Variants in SLC39A12 observed in about 807,000 individuals in gnomAD.
SLC39A12 encodes solute carrier family 39 member 12.
In SLC39A12, 63 loss-of-function variants were observed where a neutral mutation model predicts 71.1. The observed-to-expected ratio is 0.89, with a 90% CI of 0.72 to 1.09. The LOEUF is 1.09. SLC39A12 is among the 50% of genes least tolerant of loss of function. The probability of loss-of-function intolerance (pLI) is 0.00; values close to 1 mark genes in which losing one functional copy is unlikely to be tolerated. For missense variants in SLC39A12, 892 were observed against 812.6 expected (o/e 1.10, Z -1.19); for synonymous variants, 351 against 301.3 (o/e 1.16, Z -1.71).
Position 18,042,720 on chromosome 10 carries a change from C to T in SLC39A12, c.1963C>T (p.His655Tyr), listed in dbSNP as rs554703011. Reference protein sequence around the residue: ...SLVEMLPEMTHVQTQRPWMMF... With the variant: ...SLVEMLPEMTYVQTQRPWMMF... ...CTTTTTTTAGCTTCCTGAAATGACT[C>T]ATGTTCAAACACAACGACCCTGGAT... is the stretch of plus-strand genomic sequence containing the variant. Residue 655 changes from histidine (H) to tyrosine (Y), a missense_variant, in exon 13 of 13, where the codon CAT becomes TAT. Coordinates refer to ENST00000377369, the MANE Select transcript of SLC39A12 (RefSeq NM_001145195.2). 2 of 1,606,164 alleles carry T rather than the reference C, an allele frequency of 1.2e-6. No individual in the cohort carries two copies. Among genetic ancestry groups the T allele is most frequent in the Admixed American group, 1.7e-5 (1 of 58,688 alleles).
intron 10 of SLC39A12, among the ~76,000 whole-genome samples, chr10:17,998,093 G>A (rs1835735209): frequency 6.6e-6 from 1 of 152,040 alleles, no homozygotes; most frequent in Admixed American, 6.6e-5. Flanking sequence ...CTGCCTCCTG[G>A]GTTTAAGCGA....
At chr10:18,025,916 C>T (rs1218480179) in intron 12 of SLC39A12, among the ~76,000 whole-genome samples, 1 of 151,978 alleles carries the variant, frequency 6.6e-6, no homozygotes, top group South Asian at 2.1e-4. Context: ...ACAACTAATC[C>T]AAGTCTATTT....
chr10:17,989,428 A>T (rs968805170), intron 7 of SLC39A12, among the ~76,000 whole-genome samples: 1 of 152,234 alleles, frequency 6.6e-6, no homozygotes, highest in Admixed American at 6.5e-5. Context: ...TCTAGGTCAC[A>T]GCAGCGGTAG....
At chr10:18,007,635 T>C (rs1330119134) in intron 12 of SLC39A12, among the ~76,000 whole-genome samples, 1 of 152,232 alleles carries the variant, frequency 6.6e-6, no homozygotes, top group Non-Finnish European at 1.5e-5. Flanking sequence ...GGTTATTTCT[T>C]CATGATATGC....
chr10:18,028,301 A>G lies in SLC39A12; in HGVS notation c.1948-14404A>G, dbSNP rs142695535. Among the ~76,000 whole-genome samples the G allele has an allele frequency of 6.7e-3, 1,014 of 152,360 alleles. 12 individuals carry two copies. The highest frequency in any genetic ancestry group is 0.029 in the East Asian group (151 of 5,188). On this transcript the variant is annotated intron_variant, in intron 12 of 12. Coordinates refer to ENST00000377369, the MANE Select transcript of SLC39A12 (RefSeq NM_001145195.2). ...TTTTTATCAGTGAAAGCTCTTTGACATCTTTATCTTGGAAGCATTGGAGGC... is the reference window on the plus strand; with the variant it reads ...TTTTTATCAGTGAAAGCTCTTTGACGTCTTTATCTTGGAAGCATTGGAGGC...
intron 4 of SLC39A12, among the ~76,000 whole-genome samples, chr10:17,969,490 G>A (rs1020569491): frequency 2.0e-5 from 3 of 152,110 alleles, no homozygotes; most frequent in African/African-American, 7.2e-5. Context: ...GTTTTAACAG[G>A]GGTGAGGTTA....
chr10:18,009,089 G>A (rs1053113147), intron 12 of SLC39A12, among the ~76,000 whole-genome samples: 2 of 152,170 alleles, frequency 1.3e-5, no homozygotes, highest in African/African-American at 4.8e-5. Flanking sequence ...AATGGGTTAT[G>A]CCAAGGGAGG....
At chr10:18,020,443 C>G (rs1836502938) in intron 12 of SLC39A12, among the ~76,000 whole-genome samples, 1 of 151,972 alleles carries the variant, frequency 6.6e-6, no homozygotes, top group South Asian at 2.1e-4. Context: ...GTGCATGTGT[C>G]TTTATGGTAG....
Position 17,961,803 on chromosome 10 carries a change from A to T in SLC39A12, c.484A>T (p.Asn162Tyr), listed in dbSNP as rs782382519. Residue 162 changes from asparagine to tyrosine, a missense_variant, in exon 3 of 13, where the codon AAT (asparagine) becomes TAT (tyrosine). Asn to Tyr is a moderately radical substitution (Grantham distance 143). Transcript: ENST00000377369. ...QDEDSSFLSQ[N>Y]ETEDILAFTR... Reference sequence around the variant, plus strand: ...TGAAGATTCCTCTTTCCTTTCACAGAATGAGACAGAAGATATCTTGGCTTT... The same window carrying T: ...TGAAGATTCCTCTTTCCTTTCACAGTATGAGACAGAAGATATCTTGGCTTT... The T allele has an allele frequency of 1.9e-6, 3 of 1,614,148 alleles. No homozygotes were observed. The highest frequency in any genetic ancestry group is 2.5e-6 in the Non-Finnish European group (3 of 1,179,996).
chr10:18,013,875 T>C (rs1005547367), intron 12 of SLC39A12, among the ~76,000 whole-genome samples: 4 of 152,214 alleles, frequency 2.6e-5, no homozygotes, highest in African/African-American at 9.6e-5. Flanking sequence ...TCTAGTTTTG[T>C]AGTAAGTTTT....
intron 6 of SLC39A12, among the ~76,000 whole-genome samples, chr10:17,985,116 G>T (rs1191309235): frequency 6.6e-6 from 1 of 152,170 alleles, no homozygotes; most frequent in Admixed American, 6.5e-5. Flanking sequence ...GGCCAAGGTG[G>T]TGGATCATTT....
intron 4 of SLC39A12, among the ~76,000 whole-genome samples, chr10:17,977,069 T>A (rs969061433): frequency 6.6e-6 from 1 of 152,182 alleles, no homozygotes; most frequent in African/African-American, 2.4e-5. Flanking sequence ...CTCTCAAATA[T>A]GCTGTTGAGT....
chr10:18,037,157 C>G (rs901964603), intron 12 of SLC39A12, among the ~76,000 whole-genome samples: 1 of 151,964 alleles, frequency 6.6e-6, no homozygotes, highest in African/African-American at 2.4e-5. Context: ...TCTTGAATTA[C>G]CTGTTTGGTA....
chr10:17,959,109 A>AT (rs1320729877), intron 2 of SLC39A12, among the ~76,000 whole-genome samples: 11 of 151,782 alleles, frequency 7.2e-5, no homozygotes, highest in African/African-American at 2.4e-4. Flanking sequence ...TTTTATTTCC[A>AT]TTTTTTTATT....
intron 4 of SLC39A12, among the ~76,000 whole-genome samples, chr10:17,976,593 T>C (rs984300919): frequency 5.9e-5 from 9 of 151,958 alleles, no homozygotes; most frequent in African/African-American, 2.2e-4. Context: ...AATTTTTATA[T>C]ATATATTTTT....
intron 3 of SLC39A12, among the ~76,000 whole-genome samples, chr10:17,965,134 G>A (rs1029331129): frequency 6.6e-6 from 1 of 152,104 alleles, no homozygotes; most frequent in Non-Finnish European, 1.5e-5. Flanking sequence ...TTGAACCCGG[G>A]AGGTGGAGGT....
At chr10:18,017,702 G>A (rs1042925493) in intron 12 of SLC39A12, among the ~76,000 whole-genome samples, 10 of 152,090 alleles carry the variant, frequency 6.6e-5, no homozygotes, top group Non-Finnish European at 8.8e-5. Context: ...ACTGTATATA[G>A]GTCTATTTCT....
At chr10:17,978,164 A>T (rs928611693) in intron 5 of SLC39A12, 90 bp downstream of exon 5, 4 of 1,140,464 alleles carry the variant, frequency 3.5e-6, no homozygotes, top group Non-Finnish European at 3.7e-6. Flanking sequence ...GAAAACTTAA[A>T]GAGTATTGTG....
chr10:17,997,492 C>CT (rs1362813720), intron 10 of SLC39A12, among the ~76,000 whole-genome samples: 11 of 151,944 alleles, frequency 7.2e-5, no homozygotes, highest in Non-Finnish European at 1.3e-4. Context: ...CTGCAATAGA[C>CT]TTTTTTTTCT....
Sources: gnomAD v4.1 joint callset for allele counts (sites outside exome capture counted in the v4.1 genomes callset) on GRCh38, gnomAD v4.1.1 for gene constraint, MANE v1.5 for transcripts, NCBI Gene and HGNC (gene_info 2026-07-23, HGNC 2026-07-21) for gene names.